The following SPTBN4 variants were observed in gnomAD, a reference collection of about 807,000 sequenced individuals.
The protein encoded by SPTBN4 is spectrin beta chain, non-erythrocytic 4.
Under a neutral mutation model 277.8 loss-of-function variants are expected in SPTBN4, and 96 were observed. That is an observed-to-expected ratio of 0.35 (90% CI 0.29 to 0.41). The LOEUF (loss-of-function observed/expected upper bound fraction) is 0.41, where lower values mean the gene tolerates loss of function less well. Ranked by LOEUF, SPTBN4 falls within the 10% of genes least tolerant of loss-of-function variation. The probability of loss-of-function intolerance (pLI) is 1.00; values close to 1 mark genes in which losing one functional copy is unlikely to be tolerated. For synonymous variants in SPTBN4, 1,481 were observed against 1,580.3 expected (o/e 0.94, Z 1.49); for missense variants, 3,006 against 3,595.7 (o/e 0.84, Z 4.19).
intron 35 of SPTBN4, chr19:40,572,592 T>G: frequency 3.4e-6 from 2 of 588,320 alleles, no homozygotes; most frequent in South Asian, 4.2e-5. Context: ...TGCCTGCAGA[T>G]CCTGATGACA....
intron 7 of SPTBN4, among the ~76,000 whole-genome samples, chr19:40,500,902 A>G (rs1273815213): frequency 1.3e-5 from 2 of 152,056 alleles, no homozygotes; most frequent in Admixed American, 6.6e-5. Context: ...AAGAAAGGAA[A>G]CAGGCATAGT....
chr19:40,513,600 C>A, intron 14 of SPTBN4, 46 bp downstream of exon 14: 1 of 1,464,068 alleles, frequency 6.8e-7, no homozygotes, highest in Non-Finnish European at 9.0e-7. Context: ...CCTCATGCAC[C>A]CAGTCTCACC....
chr19:40,566,924 C>T, intron 30 of SPTBN4: 2 of 246,930 alleles, frequency 8.1e-6, no homozygotes, highest in Non-Finnish European at 1.7e-5. Context: ...AAGATCGTGC[C>T]ACTGCCTGGG....
At chr19:40,570,257 A>G (rs1393583154) in intron 32 of SPTBN4, among the ~76,000 whole-genome samples, 179 bp from the exon 33 acceptor site, 2 of 150,172 alleles carry the variant, frequency 1.3e-5, no homozygotes, top group Non-Finnish European at 3.0e-5. Flanking sequence ...TAACAGACTC[A>G]CTCCCAAGAC....
intron 25 of SPTBN4, 28 bp from the exon 26 acceptor site, chr19:40,556,995 T>TTG: frequency 6.7e-7 from 1 of 1,484,800 alleles, no homozygotes; most frequent in Non-Finnish European, 9.0e-7. Flanking sequence ...CACTTTGCTG[T>TTG]ACCCCCCCCC....
chr19:40,558,734 A>G (rs7255817), intron 26 of SPTBN4, among the ~76,000 whole-genome samples: 64,376 of 150,936 alleles, frequency 0.43, 14,429 homozygotes, highest in Non-Finnish European at 0.48. Context: ...CAGCCTTCCA[A>G]ATAGCTGGGA....
At chr19:40,547,014 T>C (rs956752652) in intron 20 of SPTBN4, among the ~76,000 whole-genome samples, 1 of 146,664 alleles carries the variant, frequency 6.8e-6, no homozygotes, top group Non-Finnish European at 1.5e-5. Flanking sequence ...TTTTGGTTGA[T>C]GCAGAAGTAT....
intron 13 of SPTBN4, among the ~76,000 whole-genome samples, chr19:40,506,786 TG>T (rs1406552062): frequency 6.6e-6 from 1 of 152,080 alleles, no homozygotes; most frequent in Non-Finnish European, 1.5e-5. Flanking sequence ...AAGACCAGCC[TG>T]GCCAACATAG....
chr19:40,486,272 C>T (rs1025155642), intron 2 of SPTBN4, among the ~76,000 whole-genome samples: 14 of 151,766 alleles, frequency 9.2e-5, no homozygotes, highest in South Asian at 4.2e-4. Context: ...GCCTGGGCAA[C>T]GTAGTGAGAC....
chr19:40,484,652 G>A (rs941311750), intron 2 of SPTBN4, among the ~76,000 whole-genome samples: 1 of 152,036 alleles, frequency 6.6e-6, no homozygotes, highest in African/African-American at 2.4e-5. Flanking sequence ...TTTTGGCCAG[G>A]CGAGGTGGCT....
intron 32 of SPTBN4, among the ~76,000 whole-genome samples, chr19:40,570,005 CACACAGACACAGAT>C (rs2081137932): frequency 1.3e-5 from 2 of 150,334 alleles, no homozygotes; most frequent in South Asian, 2.1e-4. Context: ...CACACACAGA[CACACAGACACAGAT>C]ACACACACAG....
Position 40,534,149 on chromosome 19 carries a change from C to A in SPTBN4, c.4165C>A (p.Arg1389Ser). The A allele has an allele frequency of 6.2e-7, 1 of 1,612,928 alleles. No individual in the cohort carries two copies. ...ASVRKKLGEIRQCWAELESTT... is the reference protein window; with the variant it reads ...ASVRKKLGEISQCWAELESTT... ...CGTGCGGAAGAAGCTGGGCGAGATC[C>A]GCCAGTGCTGGGCGGAGCTGGAGAG... Residue 1389 changes from arginine to serine, a missense_variant, in exon 20 of 36, where the codon CGC becomes AGC. By Grantham distance (110) the Arg-to-Ser change is moderately radical. This residue lies in a region of SPTBN4 where 1,759 missense variants were observed against 2,061.5 expected (regional missense o/e 0.85). Coordinates refer to ENST00000598249, the MANE Select transcript of SPTBN4 (RefSeq NM_020971.3).
At chr19:40,486,473 G>A (rs535769062) in intron 2 of SPTBN4, among the ~76,000 whole-genome samples, 4 of 151,792 alleles carry the variant, frequency 2.6e-5, no homozygotes, top group South Asian at 4.2e-4. Flanking sequence ...AAGGCCAAGC[G>A]ATCCTCCTGC....
chr19:40,548,643 A>G (rs1356607410), intron 20 of SPTBN4, among the ~76,000 whole-genome samples: 3 of 151,582 alleles, frequency 2.0e-5, no homozygotes, highest in Non-Finnish European at 4.4e-5. Context: ...TGAAGCCAGG[A>G]GGTGAAGGTT....
At chr19:40,570,895 G>A (rs979471568) in intron 33 of SPTBN4, 167 bp downstream of exon 33, 6 of 576,860 alleles carry the variant, frequency 1.0e-5, no homozygotes, top group Non-Finnish European at 1.3e-5. Context: ...AATCAAGAAA[G>A]CCAACCAATG....
intron 35 of SPTBN4, among the ~76,000 whole-genome samples, chr19:40,575,075 G>GATACATGATAAATTGATACATGATAAAT (rs1200683716): frequency 6.6e-6 from 1 of 151,132 alleles, no homozygotes; most frequent in Non-Finnish European, 1.5e-5. Flanking sequence ...ATTGCTCCAT[G>GATACATGATAAATTGATACATGATAAAT]TTTAATTGAT....
At chr19:40,485,552 T>C (rs1193818555) in intron 2 of SPTBN4, among the ~76,000 whole-genome samples, 3 of 152,134 alleles carry the variant, frequency 2.0e-5, no homozygotes, top group Non-Finnish European at 4.4e-5. Flanking sequence ...GAGCCTGTAA[T>C]CTCAGCACTT....
rs1464615713 is a variant in SPTBN4, at chr19:40,550,202, A to C, written c.4585-36A>C. On this transcript the variant is annotated intron_variant, in intron 21 of 35. Transcript: ENST00000598249. ...TTGCGATGCAGGGGTTCTTGGATGC[A>C]TTCTCCCCTTGACCTGCTTCCTGTG... 1.4e-5 allele frequency: 23 copies of C among 1,596,110 alleles called. No homozygotes were observed. In the Middle Eastern group the frequency reaches 5.0e-4, roughly 34 times the overall value.
intron 1 of SPTBN4, among the ~76,000 whole-genome samples, chr19:40,470,386 A>G (rs982120460): frequency 6.6e-6 from 1 of 151,840 alleles, no homozygotes; most frequent in Admixed American, 6.6e-5. Flanking sequence ...GCTCACTGCA[A>G]CCTCTGCCTT....
Sources: allele counts gnomAD v4.1 joint callset (sites outside exome capture counted in the v4.1 genomes callset), GRCh38; gene constraint gnomAD v4.1.1; regional missense constraint gnomAD v4.1.1; transcripts MANE v1.5; gene names NCBI Gene and HGNC (gene_info 2026-07-23, HGNC 2026-07-21).